Variants in NBAS observed in about 807,000 individuals in gnomAD.
The protein encoded by NBAS is NBAS subunit of NRZ tethering complex, also known as NAG/BC035112 fusion.
In NBAS, 219 loss-of-function variants were observed where a neutral mutation model predicts 302.5. The observed-to-expected ratio is 0.72, with a 90% CI of 0.65 to 0.81. The LOEUF is 0.81. Ranked by LOEUF, NBAS falls within the 30% of genes least tolerant of loss-of-function variation. NBAS has a pLI of 0.00. For synonymous variants in NBAS, 1,118 were observed against 1,021.6 expected, an observed-to-expected ratio of 1.09 and a Z score of -1.80; for missense variants, 2,932 against 2,841.6, an observed-to-expected ratio of 1.03 and a Z score of -0.72.
chr2:15,021,032 G>T, the NBAS span, among the ~76,000 whole-genome samples: 2 of 152,138 alleles, frequency 1.3e-5, no homozygotes, highest in African/African-American at 4.8e-5. Flanking sequence ...AGGAGTTCGA[G>T]ATCAGCCTGA....
the NBAS span, among the ~76,000 whole-genome samples, chr2:14,990,058 TC>T: frequency 6.6e-6 from 1 of 152,106 alleles, no homozygotes; most frequent in African/African-American, 2.4e-5. Flanking sequence ...TCTCTTTTTT[TC>T]TTTTATTCCT....
At chr2:15,283,065 C>T (rs1669893549) in intron 42 of NBAS, among the ~76,000 whole-genome samples, 1 of 152,068 alleles carries the variant, frequency 6.6e-6, no homozygotes, top group Non-Finnish European at 1.5e-5. Context: ...GGAGGGTTCC[C>T]TATTAGAATA....
At chr2:15,394,056 T>C (rs1223695017) in intron 28 of NBAS, among the ~76,000 whole-genome samples, 171 bp downstream of exon 28, 1 of 152,124 alleles carries the variant, frequency 6.6e-6, no homozygotes, top group Admixed American at 6.6e-5. Context: ...ATCATAATGA[T>C]GGTTTCCCAT....
chr2:15,509,150 T>C (rs1330986545), intron 10 of NBAS, among the ~76,000 whole-genome samples: 2 of 152,214 alleles, frequency 1.3e-5, no homozygotes, highest in African/African-American at 4.8e-5. Flanking sequence ...CTCACTTTAC[T>C]TTTTATAGAT....
the NBAS span, among the ~76,000 whole-genome samples, chr2:14,848,316 CGG>C: frequency 9.9e-6 from 1 of 100,758 alleles, no homozygotes; most frequent in African/African-American, 7.8e-5. Flanking sequence ...AAAGGGGTGA[CGG>C]ACACACCTGG....
At chr2:15,197,800 C>T (rs1665690530) in intron 48 of NBAS, among the ~76,000 whole-genome samples, 1 of 152,194 alleles carries the variant, frequency 6.6e-6, no homozygotes, top group Non-Finnish European at 1.5e-5. Flanking sequence ...TTAATGTGTT[C>T]CTCTGCCTAC....
At chr2:15,184,198 T>C (rs1664962718) in intron 50 of NBAS, among the ~76,000 whole-genome samples, 1 of 152,044 alleles carries the variant, frequency 6.6e-6, no homozygotes, top group South Asian at 2.1e-4. Context: ...GGCTAAAAGA[T>C]AGTACATATC....
chr2:15,028,374 A>G, the NBAS span, among the ~76,000 whole-genome samples: 2 of 152,344 alleles, frequency 1.3e-5, no homozygotes, highest in East Asian at 3.9e-4. Flanking sequence ...ACGTAACAAA[A>G]TTGGAGAACT....
chr2:14,875,533 T>C, the NBAS span, among the ~76,000 whole-genome samples: 101 of 152,078 alleles, frequency 6.6e-4, no homozygotes, highest in Non-Finnish European at 1.2e-3. Context: ...GGAGAATCAC[T>C]TGAACCTGGG....
At chr2:15,468,949 T>G (rs142669083) in intron 16 of NBAS, among the ~76,000 whole-genome samples, 1 of 152,306 alleles carries the variant, frequency 6.6e-6, no homozygotes, top group African/African-American at 2.4e-5. Context: ...AATGAGCCCA[T>G]CAAATTTCTG....
the NBAS span, among the ~76,000 whole-genome samples, chr2:15,139,653 T>A: frequency 1.3e-5 from 2 of 152,202 alleles, no homozygotes; most frequent in Non-Finnish European, 2.9e-5. Context: ...ATTGGTCTCA[T>A]TTATGAAGCT....
At chr2:15,305,459 T>G (rs1274521277) in intron 40 of NBAS, among the ~76,000 whole-genome samples, 1 of 151,040 alleles carries the variant, frequency 6.6e-6, no homozygotes, top group Non-Finnish European at 1.5e-5. Context: ...GTTTTTTTTT[T>G]TTTTTTTTTT....
chr2:14,941,830 G>T, the NBAS span, among the ~76,000 whole-genome samples: 6 of 152,248 alleles, frequency 3.9e-5, no homozygotes, highest in Admixed American at 1.3e-4. Flanking sequence ...TGATTATTCT[G>T]GTCTCTGCTT....
intron 48 of NBAS, among the ~76,000 whole-genome samples, chr2:15,197,200 G>A (rs188704563): frequency 9.8e-5 from 15 of 152,304 alleles, no homozygotes; most frequent in Admixed American, 3.9e-4. Context: ...TATAAGAGCC[G>A]TCACAATTTA....
the NBAS span, among the ~76,000 whole-genome samples, chr2:14,785,627 G>T: frequency 6.6e-6 from 1 of 152,160 alleles, no homozygotes; most frequent in East Asian, 1.9e-4. Flanking sequence ...TACATTTATT[G>T]ATTTGTGTAT....
chr2:14,909,250 G>A, the NBAS span, among the ~76,000 whole-genome samples: 1 of 150,566 alleles, frequency 6.6e-6, no homozygotes, highest in South Asian at 2.1e-4. Flanking sequence ...AATCCGGGAG[G>A]CAGAGTTTGC....
chr2:15,134,056 T>TTCTCTCTCTCTC, the NBAS span, among the ~76,000 whole-genome samples: 2,199 of 145,714 alleles, frequency 0.015, 34 homozygotes, highest in African/African-American at 0.019. Flanking sequence ...GAACATTTCT[T>TTCTCTCTCTCTC]TCTCTCTCTC....
intron 9 of NBAS, among the ~76,000 whole-genome samples, chr2:15,513,605 G>GT (rs1662243482): frequency 6.6e-6 from 1 of 150,458 alleles, no homozygotes; most frequent in African/African-American, 2.4e-5. Flanking sequence ...AAATGGCCTG[G>GT]GTTTTTTTTT....
At chr2:15,419,053 C>A (rs1450583433) in intron 23 of NBAS, among the ~76,000 whole-genome samples, 2 of 152,162 alleles carry the variant, frequency 1.3e-5, no homozygotes, top group Non-Finnish European at 2.9e-5. Context: ...TAGAGAAATT[C>A]TGACAGAAAC....
Sources: gnomAD v4.1 joint callset for allele counts (sites outside exome capture counted in the v4.1 genomes callset) on GRCh38, gnomAD v4.1.1 for gene constraint, MANE v1.5 for transcripts, NCBI Gene and HGNC (gene_info 2026-07-23, HGNC 2026-07-21) for gene names.